Variants in MYH6 observed in about 807,000 individuals in gnomAD.
MYH6 encodes the protein myosin-6.
Under a neutral mutation model 223.2 loss-of-function variants are expected in MYH6, and 126 were observed. The ratio of observed to expected loss-of-function variants is 0.56; its 90% CI spans 0.49 to 0.65. MYH6 has a LOEUF of 0.65. MYH6 is among the 30% of genes least tolerant of loss of function. MYH6 has a pLI of 0.00. For synonymous variants in MYH6, 978 were observed against 1,010.2 expected (o/e 0.97, Z 0.61); for missense variants, 2,040 against 2,536.4 (o/e 0.80, Z 4.20).
In MYH6 at chr14:23,407,109, C is replaced by T. The variant is rs142850511; in HGVS notation, c.115G>A (p.Val39Met). 1.1e-4 allele frequency: 183 copies of T among 1,614,118 alleles called. 1 individual carries two copies. Among genetic ancestry groups the T allele is most frequent in the African/African-American group, 1.6e-4 (12 of 74,936 alleles). ...ACAAACTCTTCCTTGTCATCGGGCA[C>T]GAAGCACTCAGTGCGAATGTCAAAG... ...RPFDIRTECF[V>M]PDDKEEFVKA... Residue 39 changes from valine to methionine, a missense_variant, in exon 3 of 39, where the codon GTG becomes ATG. Val to Met is a conservative substitution (Grantham distance 21). Around this residue, in one of 4 missense-constraint regions of MYH6, gnomAD observed 184 missense variants for 232.4 expected, o/e 0.79. Transcript: ENST00000405093. This position sits in a 1 kb window ranked among gnomAD's most constrained non-coding sequence, Gnocchi z 5.6.
At chr14:23,406,065 C>T (rs1337601161) in intron 3 of MYH6, among the ~76,000 whole-genome samples, 1 of 152,116 alleles carries the variant, frequency 6.6e-6, no homozygotes, top group Non-Finnish European at 1.5e-5. Flanking sequence ...CCCTATGTTC[C>T]AAGGGTCTTG....
chr14:23,404,883 G>T, intron 6 of MYH6, 61 bp from the exon 7 acceptor site: 2 of 1,539,590 alleles, frequency 1.3e-6, no homozygotes, highest in Non-Finnish European at 1.8e-6. Context: ...ACAGGGCTCA[G>T]CATCACATGC....
At chr14:23,395,702 AT>A (rs1291002538) in intron 20 of MYH6, among the ~76,000 whole-genome samples, 1 of 151,736 alleles carries the variant, frequency 6.6e-6, no homozygotes, top group African/African-American at 2.4e-5. Context: ...AATTTTTTGT[AT>A]TTTTTTAGTA....
In MYH6 at chr14:23,405,515, G is replaced by A; in HGVS notation, c.345+112C>T. On this transcript the variant is annotated intron_variant, in intron 4 of 38. Transcript: ENST00000405093. The surrounding 1 kb of genome is among the most constrained non-coding windows in gnomAD (Gnocchi z 4.7). ...AGCTGACTAGGGGTGGAGGGGGGAA[G>A]GGGACTTGGGTCCCTTGGGAGTCTC... The A allele has an allele frequency of 6.3e-7, 1 of 1,595,174 alleles. No individual in the cohort carries two copies. The highest frequency in any genetic ancestry group is 8.6e-7 in the Non-Finnish European group (1 of 1,167,420).
chr14:23,396,135 G>T, intron 20 of MYH6, 149 bp downstream of exon 20: 1 of 875,532 alleles, frequency 1.1e-6, no homozygotes, highest in South Asian at 1.5e-5. Context: ...AGAAGAAGAA[G>T]AAGAATTTGC....
Position 23,399,051 on chromosome 14 carries a change from G to A in MYH6, c.1582-14C>T. 6.2e-7 allele frequency: 1 copy of A among 1,613,726 alleles called. No individual in the cohort carries two copies. The highest frequency in any genetic ancestry group is 1.7e-4 in the Middle Eastern group (1 of 6,046). On this transcript the variant is annotated splice_polypyrimidine_tract_variant and intron_variant, in intron 14 of 38. Transcript: ENST00000405093. ...GATGCCCATGGGCTGAGGGCAGGGT[G>A]AAGAGGCAAAGAGAGAATCACTGAG...
In MYH6 at chr14:23,390,087, G is replaced by T; in HGVS notation, c.3702C>A (p.Thr1234=). The T allele has an allele frequency of 6.2e-7, 1 of 1,613,136 alleles. No homozygotes were observed. The highest frequency in any genetic ancestry group is 8.5e-7 in the Non-Finnish European group (1 of 1,179,798). The change falls in exon 26 of 39, where the codon ACC becomes ACA. Residue 1234 remains threonine, a synonymous_variant. Coordinates refer to ENST00000405093, the MANE Select transcript of MYH6 (RefSeq NM_002471.4). ...CCTTGATGATCTGCTCCATGTTGGA[G>T]GTGACGTCATCCAGCTCCAGCTTGA... The part of the protein sequence containing the change: ...SEFKLELDDV[T]SNMEQIIKAK...
intron 16 of MYH6, 109 bp downstream of exon 16, chr14:23,397,434 C>A (rs1891432808): frequency 1.4e-6 from 2 of 1,401,554 alleles, no homozygotes; most frequent in East Asian, 4.6e-5. Context: ...ACTACGTAGC[C>A]CTAGCTTCTT....
In MYH6 at chr14:23,389,797, G is replaced by T. The variant is rs144630693; in HGVS notation, c.3733-78C>A. ...AGGAAGGAAGAGAGGGTCAGAGATGGGGAATGCCAGAGGGCAGGAGGGGGA... is the reference window on the plus strand; with the variant it reads ...AGGAAGGAAGAGAGGGTCAGAGATGTGGAATGCCAGAGGGCAGGAGGGGGA... On this transcript the variant is annotated intron_variant, in intron 26 of 38. Coordinates refer to ENST00000405093, the MANE Select transcript of MYH6 (RefSeq NM_002471.4). 7.5e-4 allele frequency: 1,201 copies of T among 1,610,104 alleles called. No homozygotes were observed. The Middle Eastern group carries it at 8.3e-3, about 11-fold the overall frequency.
intron 9 of MYH6, 28 bp downstream of exon 9, chr14:23,403,687 G>C: frequency 1.2e-6 from 2 of 1,600,156 alleles, no homozygotes; most frequent in African/African-American, 2.7e-5. Context: ...GGGACCTAGA[G>C]GGTGGCAGCC....
At chr14:23,403,556 G>T in intron 9 of MYH6, 110 bp from the exon 10 acceptor site, 2 of 1,172,396 alleles carry the variant, frequency 1.7e-6, no homozygotes, top group Non-Finnish European at 1.3e-6. Flanking sequence ...TGATGAAGAG[G>T]GCCAGGCGAG....
chr14:23,391,653 C>A, intron 25 of MYH6, among the ~76,000 whole-genome samples: 1 of 152,222 alleles, frequency 6.6e-6, no homozygotes. Context: ...AGTGAGAGGA[C>A]AAGGTCCCGC....
Position 23,389,665 on chromosome 14 carries a change from C to A in MYH6, c.3787G>T (p.Val1263Leu), listed in dbSNP as rs375819633. Reference protein sequence around the residue: ...TLEDQANEYRVKLEEAQRSLN... With the variant: ...TLEDQANEYRLKLEEAQRSLN... ...GAGCGTTGGGCCTCTTCTAGCTTCA[C>A]GCGGTACTCATTGGCCTGGTCCTCC... Residue 1263 changes from valine to leucine, a missense_variant, in exon 27 of 39, where the codon GTG becomes TTG. This residue lies in a region of MYH6 where 1,203 missense variants were observed against 1,400.2 expected (regional missense o/e 0.86). Transcript: ENST00000405093. 2 of 1,614,040 alleles carry A rather than the reference C, an allele frequency of 1.2e-6. No individual in the cohort carries two copies. The highest frequency in any genetic ancestry group is 1.7e-6 in the Non-Finnish European group (2 of 1,180,050).
intron 3 of MYH6, among the ~76,000 whole-genome samples, chr14:23,406,812 G>A (rs1891802801): frequency 6.6e-6 from 1 of 152,132 alleles, no homozygotes; most frequent in African/African-American, 2.4e-5. Flanking sequence ...TCTCTGGCAG[G>A]GGGAACATGG....
chr14:23,392,299 A>T (rs954186475), intron 25 of MYH6, among the ~76,000 whole-genome samples: 1 of 152,046 alleles, frequency 6.6e-6, no homozygotes, highest in African/African-American at 2.4e-5. Context: ...TAGAGTAGAA[A>T]GTCCCTGAGG....
At position 23,388,167 on chromosome 14, in the gene MYH6, T is replaced by C. The variant is rs750834664; in HGVS notation, c.4347A>G (p.Arg1449=). 2.5e-5 allele frequency: 41 copies of C among 1,612,192 alleles called. No homozygotes were observed. The highest frequency in any genetic ancestry group is 7.7e-5 in the South Asian group (7 of 91,008). The change falls in exon 30 of 39, where the codon AGA becomes AGG. Residue 1449 remains arginine (R), a synonymous_variant. Transcript: ENST00000405093. ...AAAAALDKKQ[R]NFDKILAEWK... ...GCCCATGGTCCACCTTGTCAAAGTT[T>C]CTCTGCTTCTTGTCCAGGGCTGCAG...
At position 23,394,168 on chromosome 14, in the gene MYH6, T is replaced by C. The variant is rs754237178; in HGVS notation, c.2585A>G (p.Lys862Arg). The part of the protein sequence containing the change: ...ATMKEEFGRI[K>R]ETLEKSEARR... ...AGCCTCGGACTTCTCCAGCGTCTCT[T>C]TGATGCGCCCGAACTCTTCCTTCAT... The change falls in exon 21 of 39, where the codon AAA (lysine) becomes AGA (arginine). Residue 862 changes from lysine (K) to arginine (R), a missense_variant. Around this residue, in one of 4 missense-constraint regions of MYH6, gnomAD observed 1,203 missense variants for 1,400.2 expected, o/e 0.86. Transcript: ENST00000405093. 2 of 1,614,228 alleles carry C rather than the reference T, an allele frequency of 1.2e-6. No individual in the cohort carries two copies. Among genetic ancestry groups the C allele is most frequent in the Non-Finnish European group, 1.7e-6 (2 of 1,180,036 alleles).
chr14:23,389,355 T>G, intron 28 of MYH6, 38 bp downstream of exon 28: 1 of 1,598,026 alleles, frequency 6.3e-7, no homozygotes, highest in South Asian at 1.1e-5. Flanking sequence ...GCCCCAGGGC[T>G]GCCATCAAGC....
intron 7 of MYH6, 116 bp downstream of exon 7, chr14:23,404,595 G>T: frequency 2.6e-6 from 3 of 1,151,070 alleles, no homozygotes; most frequent in South Asian, 2.5e-5. Context: ...TGACCATCGG[G>T]AGCCCAGCTC....
Sources: allele counts gnomAD v4.1 joint callset (sites outside exome capture counted in the v4.1 genomes callset), GRCh38; gene constraint gnomAD v4.1.1; regional missense constraint gnomAD v4.1.1; non-coding constraint Gnocchi (gnomAD v3.1); transcripts MANE v1.5; gene names NCBI Gene and HGNC (gene_info 2026-07-23, HGNC 2026-07-21).